Variants in AMOTL1 observed in about 807,000 individuals in gnomAD.
AMOTL1 encodes angiomotin-like protein 1.
In AMOTL1, 45 loss-of-function variants were observed where a neutral mutation model predicts 102.9. The ratio of observed to expected loss-of-function variants is 0.44; its 90% CI spans 0.34 to 0.56. The LOEUF is 0.56. Among genes scored for constraint, AMOTL1 ranks in the 20% least tolerant of loss-of-function variants. AMOTL1 has a pLI of 0.01. For synonymous variants in AMOTL1, 481 were observed against 484.7 expected (o/e 0.99, Z 0.10); for missense variants, 1,114 against 1,225.6 (o/e 0.91, Z 1.36).
At chr11:94,801,812 A>G (rs1002771597) in intron 3 of AMOTL1, among the ~76,000 whole-genome samples, 6 of 152,190 alleles carry the variant, frequency 3.9e-5, no homozygotes, top group Admixed American at 3.9e-4. Context: ...AAATGTTTAG[A>G]TGTTGCTGAC....
At chr11:94,746,186 A>C (rs1240504907) in intron 3 of AMOTL1, among the ~76,000 whole-genome samples, 4 of 152,200 alleles carry the variant, frequency 2.6e-5, no homozygotes, top group Non-Finnish European at 5.9e-5. Context: ...CTCTGGATGA[A>C]TGCTGTATTG....
chr11:94,814,235 G>A (rs1951728998), intron 3 of AMOTL1, among the ~76,000 whole-genome samples: 1 of 152,208 alleles, frequency 6.6e-6, no homozygotes, highest in Non-Finnish European at 1.5e-5. Context: ...CGTCATCAGT[G>A]ATGGTGACTA....
At chr11:94,754,643 T>C (rs992453340) in intron 3 of AMOTL1, among the ~76,000 whole-genome samples, 10 of 152,206 alleles carry the variant, frequency 6.6e-5, no homozygotes, top group Non-Finnish European at 1.5e-4. Flanking sequence ...TTTTTACTAC[T>C]ATCAGCTTCT....
chr11:94,849,736 T>C (rs1251446473), intron 6 of AMOTL1, among the ~76,000 whole-genome samples: 2 of 152,138 alleles, frequency 1.3e-5, no homozygotes, highest in Non-Finnish European at 2.9e-5. Flanking sequence ...ATTATTAATA[T>C]TACCCACCCT....
At chr11:94,752,843 G>A (rs916041473) in intron 3 of AMOTL1, among the ~76,000 whole-genome samples, 6 of 152,262 alleles carry the variant, frequency 3.9e-5, no homozygotes, top group South Asian at 4.1e-4. Flanking sequence ...GTTTGGGGCC[G>A]GTGGGGTGGG....
intron 7 of AMOTL1, among the ~76,000 whole-genome samples, chr11:94,853,549 C>T (rs1028838785): frequency 5.3e-5 from 8 of 152,124 alleles, no homozygotes; most frequent in Non-Finnish European, 4.4e-5. Flanking sequence ...ATTTGGGTTG[C>T]TTCCATGTCT....
At chr11:94,821,474 C>T in intron 3 of AMOTL1, 56 bp from the exon 4 acceptor site, 1 of 1,550,294 alleles carries the variant, frequency 6.5e-7, no homozygotes, top group Non-Finnish European at 8.7e-7. Flanking sequence ...TTGGGGCTTC[C>T]TTCCTGCTCC....
Position 94,800,198 on chromosome 11 carries a change from C to A in AMOTL1, c.1008C>A (p.Asp336Glu). 1 of 1,613,948 alleles carries A rather than the reference C, an allele frequency of 6.2e-7. No homozygotes were observed. The highest frequency in any genetic ancestry group is 8.5e-7 in the Non-Finnish European group (1 of 1,179,870). The change falls in exon 3 of 13, where the codon GAC becomes GAA. Residue 336 changes from aspartate (D) to glutamate (E), a missense_variant. By Grantham distance (45) the Asp-to-Glu change is conservative (BLOSUM62 2). Coordinates refer to ENST00000433060, the MANE Select transcript of AMOTL1 (RefSeq NM_130847.3). ...KTQEHGLFYG[D>E]QHPGMLHEMV... ...AGGAGCACGGACTTTTTTATGGTGACCAGCACCCCGGGATGCTCCACGAGA... is the reference window on the plus strand; with the variant it reads ...AGGAGCACGGACTTTTTTATGGTGAACAGCACCCCGGGATGCTCCACGAGA...
chr11:94,837,919 A>C (rs1327054103), intron 6 of AMOTL1, among the ~76,000 whole-genome samples: 2 of 152,224 alleles, frequency 1.3e-5, no homozygotes, highest in East Asian at 3.8e-4. Flanking sequence ...GAGTAAGCAC[A>C]AACTGGAAAA....
chr11:94,731,465 G>A (rs1342233489), intron 2 of AMOTL1, among the ~76,000 whole-genome samples: 1 of 152,164 alleles, frequency 6.6e-6, no homozygotes, highest in African/African-American at 2.4e-5. Context: ...GACAGAGTCA[G>A]GTGCCAAAAT....
intron 6 of AMOTL1, among the ~76,000 whole-genome samples, chr11:94,837,145 T>G (rs138604637): frequency 6.6e-6 from 1 of 152,326 alleles, no homozygotes; most frequent in Non-Finnish European, 1.5e-5. Flanking sequence ...AAATCAAAGT[T>G]TTGTAGGTCC....
intron 3 of AMOTL1, among the ~76,000 whole-genome samples, chr11:94,809,250 C>T (rs1951627576): frequency 6.6e-6 from 1 of 152,116 alleles, no homozygotes; most frequent in Admixed American, 6.5e-5. Context: ...GGATTACAAG[C>T]ATGAGCCACT....
intron 3 of AMOTL1, among the ~76,000 whole-genome samples, chr11:94,761,597 C>T (rs527930919): frequency 6.6e-6 from 1 of 152,354 alleles, no homozygotes; most frequent in East Asian, 1.9e-4. Flanking sequence ...TTGTACCTAG[C>T]ATGATACTGG....
intron 7 of AMOTL1, 95 bp from the exon 8 acceptor site, chr11:94,853,838 T>C (rs1952599337): frequency 7.0e-7 from 1 of 1,429,278 alleles, no homozygotes; most frequent in East Asian, 2.5e-5. Flanking sequence ...GTAGTTTAAA[T>C]AGGATCTCCA....
At chr11:94,864,262 TAATA>T (rs902771532) in intron 9 of AMOTL1, among the ~76,000 whole-genome samples, 1 of 151,910 alleles carries the variant, frequency 6.6e-6, no homozygotes, top group African/African-American at 2.4e-5. Flanking sequence ...ATAATAATAA[TAATA>T]ATAATAATAA....
At chr11:94,864,650 A>AC in intron 9 of AMOTL1, 85 bp from the exon 10 acceptor site, 1 of 1,541,502 alleles carries the variant, frequency 6.5e-7, no homozygotes, top group Non-Finnish European at 8.8e-7. Flanking sequence ...CAGCATGAAC[A>AC]CCAGCCTCTC....
Position 94,800,212 on chromosome 11 carries a change from T to C in AMOTL1, c.1022T>C (p.Met341Thr), listed in dbSNP as rs1402411080. 1 of 1,613,948 alleles carries C rather than the reference T, an allele frequency of 6.2e-7. No homozygotes were observed. Among genetic ancestry groups the C allele is most frequent in the East Asian group, 2.2e-5 (1 of 44,862 alleles). ...GLFYGDQHPG[M>T]LHEMVKPYPA... is the part of the protein sequence containing the mutation. ...TTTTATGGTGACCAGCACCCCGGGA[T>C]GCTCCACGAGATGGTCAAGCCCTAC... Residue 341 changes from methionine (M) to threonine (T), a missense_variant, in exon 3 of 13, where the codon ATG (methionine) becomes ACG (threonine). Transcript: ENST00000433060.
chr11:94,732,608 A>C (rs1042328797), intron 2 of AMOTL1, among the ~76,000 whole-genome samples: 1 of 152,198 alleles, frequency 6.6e-6, no homozygotes, highest in Non-Finnish European at 1.5e-5. Context: ...GTTGCATTAC[A>C]AGTTGATTGG....
At chr11:94,764,517 C>G (rs987022191), upstream of AMOTL1, among the ~76,000 whole-genome samples, 4 of 152,168 alleles carry the variant, frequency 2.6e-5, no homozygotes, top group African/African-American at 9.7e-5. Context: ...TTTGTTCATT[C>G]AACAGTCATT....
Sources: allele counts gnomAD v4.1 joint callset (sites outside exome capture counted in the v4.1 genomes callset), GRCh38; gene constraint gnomAD v4.1.1; transcripts MANE v1.5; gene names NCBI Gene and HGNC (gene_info 2026-07-23, HGNC 2026-07-21).